FRMPD4: variants seen among roughly 807,000 people sequenced by gnomAD.
FRMPD4 encodes the protein FERM and PDZ domain-containing protein 4.
A neutral mutation model predicts 94.1 loss-of-function variants in FRMPD4; 22 were observed. That is an observed-to-expected ratio of 0.23 (90% CI 0.17 to 0.33). FRMPD4 has a LOEUF of 0.33. FRMPD4 is among the 10% of genes least tolerant of loss of function. FRMPD4 has a pLI of 1.00. For synonymous variants in FRMPD4, 631 were observed against 548.6 expected (o/e 1.15, Z -2.10); for missense variants, 1,111 against 1,339.9 (o/e 0.83, Z 2.67).
chrX:12,171,782 C>T (rs948159418), intron 1 of FRMPD4, among the ~76,000 whole-genome samples: 1 of 111,842 alleles, frequency 8.9e-6, no homozygotes, highest in Non-Finnish European at 1.9e-5. Context: ...CTTATAGAAA[C>T]AAGGAAAGTC....
At chrX:12,249,078 T>C (rs1413301589) in intron 1 of FRMPD4, among the ~76,000 whole-genome samples, 1 of 112,982 alleles carries the variant, frequency 8.9e-6, no homozygotes, top group Admixed American at 9.3e-5. Flanking sequence ...GGAATTATAG[T>C]AGTCAGGACT....
chrX:12,719,398 C>T (rs918432204), intron 16 of FRMPD4, among the ~76,000 whole-genome samples: 3 of 112,294 alleles, frequency 2.7e-5, no homozygotes, highest in African/African-American at 9.7e-5. Flanking sequence ...TGTAAACACA[C>T]GTAGAAAAAA....
chrX:12,186,744 T>C (rs1016027074), intron 1 of FRMPD4, among the ~76,000 whole-genome samples: 5 of 112,373 alleles, frequency 4.4e-5, no homozygotes, highest in Non-Finnish European at 7.5e-5. Context: ...GAGAACTGGG[T>C]TGTGAATCCT....
At chrX:12,513,771 A>G (rs973955687) in intron 2 of FRMPD4, among the ~76,000 whole-genome samples, 1 of 111,841 alleles carries the variant, frequency 8.9e-6, no homozygotes, top group Non-Finnish European at 1.9e-5. Flanking sequence ...ATGGTAGTTC[A>G]ATGGGAATAG....
intron 4 of FRMPD4, among the ~76,000 whole-genome samples, chrX:12,673,096 C>T (rs1477452305): frequency 1.8e-5 from 2 of 111,286 alleles, no homozygotes; most frequent in Non-Finnish European, 3.8e-5. Flanking sequence ...CTGATTGGCT[C>T]ATTCCAACAT....
Position 12,413,282 on chromosome X carries a change from G to T in FRMPD4, c.42-85398G>T, listed in dbSNP as rs186670476. On this transcript the variant is annotated intron_variant, in intron 1 of 16. Transcript: ENST00000675598. ...TACTATTCCCAGAATTTCCTGGCAG[G>T]ATTAAGCTCCAGTCACCCAGTATGG... Among the ~76,000 whole-genome samples the T allele has an allele frequency of 2.8e-3, 311 of 111,811 alleles. 2 individuals carry two copies. Among genetic ancestry groups the T allele is most frequent in the African/African-American group, 9.3e-3 (288 of 30,805 alleles).
At chrX:12,246,320 G>A (rs889152094) in intron 1 of FRMPD4, among the ~76,000 whole-genome samples, 2 of 112,141 alleles carry the variant, frequency 1.8e-5, no homozygotes, top group Non-Finnish European at 3.8e-5. Context: ...GAAATGAAGA[G>A]CTTCGATTTT....
At chrX:12,564,634 TG>T (rs2058693735) in intron 2 of FRMPD4, among the ~76,000 whole-genome samples, 1 of 111,976 alleles carries the variant, frequency 8.9e-6, no homozygotes, top group African/African-American at 3.2e-5. Context: ...TCATTGGAAT[TG>T]TAATCAATAA....
chrX:12,462,824 A>G (rs756426644), intron 1 of FRMPD4, among the ~76,000 whole-genome samples: 14 of 111,539 alleles, frequency 1.3e-4, no homozygotes, highest in Non-Finnish European at 2.4e-4. Flanking sequence ...CCCCGTCTGT[A>G]CAAAAAATTT....
rs2054616506 is a variant in FRMPD4, at chrX:12,018,613, C to T, written c.95+140595C>T. Among the ~76,000 whole-genome samples the T allele has an allele frequency of 2.7e-5, 3 of 109,939 alleles. No homozygotes were observed. In the South Asian group the frequency reaches 1.2e-3, roughly 44 times the overall value. ...GTATTTTTAATAGAGATGGGGGTTT[C>T]ACCATGTTGGCCGGGCTGGTCTCGA... is the stretch of plus-strand genomic sequence containing the variant. On this transcript the variant is annotated intron_variant, in intron 3 of 18. Transcript: ENST00000640291.
At chrX:12,601,612 C>G (rs998959087) in intron 2 of FRMPD4, among the ~76,000 whole-genome samples, 2 of 112,109 alleles carry the variant, frequency 1.8e-5, no homozygotes, top group Admixed American at 1.9e-4. Flanking sequence ...TATTCCTAAA[C>G]TCATGTGTGC....
At chrX:12,072,073 C>T (rs2147472600) in intron 3 of FRMPD4, among the ~76,000 whole-genome samples, 1 of 111,210 alleles carries the variant, frequency 9.0e-6, no homozygotes, top group African/African-American at 3.3e-5. Context: ...TCGTTGCAGC[C>T]TTGAACTCCT....
At chrX:12,126,068 A>G (rs11095565) in intron 3 of FRMPD4, among the ~76,000 whole-genome samples, 21,810 of 111,688 alleles carry the variant, frequency 0.2, 1,526 homozygotes, top group South Asian at 0.37. Context: ...TATCTGTCCC[A>G]TAACAATTGA....
At chrX:12,331,198 G>C (rs2055366169) in intron 1 of FRMPD4, among the ~76,000 whole-genome samples, 1 of 106,574 alleles carries the variant, frequency 9.4e-6, no homozygotes, top group Non-Finnish European at 1.9e-5. Context: ...GTTAAGGGCT[G>C]TGCAACAGAG....
chrX:12,210,952 A>T (rs958179749), intron 1 of FRMPD4, among the ~76,000 whole-genome samples: 5 of 112,638 alleles, frequency 4.4e-5, no homozygotes, highest in African/African-American at 1.6e-4. Context: ...CCACAGATCT[A>T]ATTTCAAAGT....
intron 3 of FRMPD4, among the ~76,000 whole-genome samples, chrX:12,102,869 G>T (rs755034999): frequency 2.7e-4 from 30 of 109,677 alleles, no homozygotes; most frequent in African/African-American, 1.0e-3. Flanking sequence ...AAAATTCTTA[G>T]TGGGCTTGCT....
chrX:11,933,243 TAAAC>T (rs2054131945), intron 3 of FRMPD4, among the ~76,000 whole-genome samples: 1 of 112,295 alleles, frequency 8.9e-6, no homozygotes, highest in African/African-American at 3.2e-5. Flanking sequence ...GGATCGTAAA[TAAAC>T]ATTGTTTCTT....
At chrX:12,169,068 A>G (rs556565765) in intron 1 of FRMPD4, among the ~76,000 whole-genome samples, 4 of 112,433 alleles carry the variant, frequency 3.6e-5, no homozygotes, top group African/African-American at 1.3e-4. Flanking sequence ...GTGGTGTTCT[A>G]ATGCCATTAT....
intron 1 of FRMPD4, among the ~76,000 whole-genome samples, chrX:12,386,961 A>AGTT (rs2056405185): frequency 8.9e-6 from 1 of 112,206 alleles, no homozygotes; most frequent in Non-Finnish European, 1.9e-5. Flanking sequence ...AACAGTTAGT[A>AGTT]GTTATACTAG....
Sources: gnomAD v4.1 joint callset for allele counts (sites outside exome capture counted in the v4.1 genomes callset) on GRCh38, gnomAD v4.1.1 for gene constraint, MANE v1.5 for transcripts, NCBI Gene and HGNC (gene_info 2026-07-23, HGNC 2026-07-21) for gene names.